The following IKZF1 variants were observed in gnomAD, a reference collection of about 807,000 sequenced individuals.
The protein encoded by IKZF1 is DNA-binding protein Ikaros.
IKZF1 carries 10 observed loss-of-function variants against 51.7 expected under a neutral mutation model. The observed-to-expected ratio is 0.19, with a 90% CI of 0.12 to 0.33. IKZF1 has a LOEUF of 0.33. IKZF1 is among the 10% of genes least tolerant of loss of function. The pLI, the probability that IKZF1 is intolerant of heterozygous loss-of-function variation, is 1.00. For missense variants in IKZF1, 484 were observed against 707.5 expected, an observed-to-expected ratio of 0.68 and a Z score of 3.58; for synonymous variants, 280 against 282.3, an observed-to-expected ratio of 0.99 and a Z score of 0.08.
chr7:50,377,876 T>C (rs911868334), intron 4 of IKZF1, among the ~76,000 whole-genome samples: 1 of 152,118 alleles, frequency 6.6e-6, no homozygotes, highest in South Asian at 2.1e-4. Flanking sequence ...GAGCTGGCAT[T>C]GTTAGGTCAT....
intron 7 of IKZF1, among the ~76,000 whole-genome samples, chr7:50,395,815 G>C (rs950563619): frequency 1.3e-5 from 2 of 152,276 alleles, no homozygotes; most frequent in Non-Finnish European, 2.9e-5. Context: ...TTGGCCTGTT[G>C]CCTTTGTATT....
intron 1 of IKZF1, among the ~76,000 whole-genome samples, chr7:50,313,565 G>A (rs969107650): frequency 6.6e-6 from 1 of 152,202 alleles, no homozygotes; most frequent in Admixed American, 6.5e-5. Flanking sequence ...CCTGCACTGG[G>A]CTGCAACATT....
At chr7:50,353,613 T>G (rs1225600141) in intron 3 of IKZF1, among the ~76,000 whole-genome samples, 1 of 152,122 alleles carries the variant, frequency 6.6e-6, no homozygotes, top group Non-Finnish European at 1.5e-5. Flanking sequence ...CCAGGTGAGC[T>G]CAGGTGGGTC....
At chr7:50,385,540 C>T (rs1175838685) in intron 5 of IKZF1, among the ~76,000 whole-genome samples, 1 of 152,164 alleles carries the variant, frequency 6.6e-6, no homozygotes, top group East Asian at 1.9e-4. Flanking sequence ...TTGGAAGTTG[C>T]AAGCTTAGAA....
chr7:50,369,028 A>G, intron 3 of IKZF1: 1 of 225,000 alleles, frequency 4.4e-6, no homozygotes, highest in Non-Finnish European at 8.9e-6. Flanking sequence ...CTACTTTTCC[A>G]GCCTATAGAA....
chr7:50,326,699 A>G lies in IKZF1; in HGVS notation c.41-939A>G, dbSNP rs145406085. 7.7e-3 allele frequency among the ~76,000 whole-genome samples: 1,168 copies of G among 152,358 alleles called. 11 individuals carry two copies. The highest frequency in any genetic ancestry group is 0.017 in the South Asian group (82 of 4,834). On this transcript the variant is annotated intron_variant, in intron 2 of 7. Transcript: ENST00000331340. ...TTTTGTAAATCCTACTTTGTATAGT[A>G]TAAGCAATTTTTGTATTTGTGTGGA...
chr7:50,404,021 A>G lies in IKZF1; in HGVS notation c.*3394A>G, dbSNP rs570199207. 4.6e-6 allele frequency: 1 copy of G among 216,092 alleles called. No homozygotes were observed. The highest frequency in any genetic ancestry group is 2.2e-5 in the African/African-American group (1 of 44,502). The allele number at this position is 216,092 out of a possible 1,614,324, so 13.4% of individuals were successfully genotyped here. ...CATTTCAATGTATTTTTACTTTAAG[A>G]TGAACCAAAATTATTAGACTTATTT... On this transcript the variant is annotated 3_prime_UTR_variant, in exon 8 of 8. Coordinates refer to ENST00000331340, the MANE Select transcript of IKZF1 (RefSeq NM_006060.6).
chr7:50,317,339 A>G (rs1423769348), intron 1 of IKZF1, among the ~76,000 whole-genome samples: 1 of 152,224 alleles, frequency 6.6e-6, no homozygotes, highest in African/African-American at 2.4e-5. Context: ...AACTTCCTAT[A>G]TTAGTGTGGC....
At chr7:50,307,402 G>C (rs533071987) in intron 1 of IKZF1, among the ~76,000 whole-genome samples, 7 of 152,208 alleles carry the variant, frequency 4.6e-5, no homozygotes, top group African/African-American at 1.7e-4. Context: ...ACCTTTTTGC[G>C]TTCTCTGAAA....
chr7:50,362,892 G>A (rs1444886963), intron 3 of IKZF1, among the ~76,000 whole-genome samples: 7 of 152,152 alleles, frequency 4.6e-5, no homozygotes, highest in African/African-American at 1.4e-4. Flanking sequence ...CATGCCAGAC[G>A]GTGGACAGGA....
chr7:50,394,045 A>G (rs983266752), intron 7 of IKZF1: 5 of 232,038 alleles, frequency 2.2e-5, no homozygotes, highest in African/African-American at 1.1e-4. Flanking sequence ...TGAGACCACA[A>G]TGTGGGCGTT....
chr7:50,324,603 A>C (rs1429896124), intron 2 of IKZF1, among the ~76,000 whole-genome samples: 1 of 152,154 alleles, frequency 6.6e-6, no homozygotes, highest in East Asian at 1.9e-4. Flanking sequence ...AAAAAAATAA[A>C]TGTCCTGAGA....
At chr7:50,377,802 C>A (rs189391444) in intron 4 of IKZF1, among the ~76,000 whole-genome samples, 1 of 152,314 alleles carries the variant, frequency 6.6e-6, no homozygotes, top group African/African-American at 2.4e-5. Context: ...ATAGATCCAC[C>A]ACCTCTAGCA....
In IKZF1 at chr7:50,400,565, C is replaced by G; in HGVS notation, c.1498C>G (p.Gln500Glu). 6.2e-7 allele frequency: 1 copy of G among 1,613,920 alleles called. No homozygotes were observed. The highest frequency in any genetic ancestry group is 8.5e-7 in the Non-Finnish European group (1 of 1,179,944). The change falls in exon 8 of 8, where the codon CAG becomes GAG. Residue 500 changes from glutamine to glutamate, a missense_variant. Transcript: ENST00000331340. The surrounding 1 kb of genome is among the most constrained non-coding windows in gnomAD (Gnocchi z 5.4). ...GTGCAACATGTGCGGCTACCACAGCCAGGACCGGTACGAGTTCTCGTCGCA... is the reference window on the plus strand; with the variant it reads ...GTGCAACATGTGCGGCTACCACAGCGAGGACCGGTACGAGTTCTCGTCGCA... ...FECNMCGYHS[Q>E]DRYEFSSHIT...
chr7:50,393,275 T>A (rs1223807983), intron 7 of IKZF1, among the ~76,000 whole-genome samples: 1 of 152,112 alleles, frequency 6.6e-6, no homozygotes, highest in African/African-American at 2.4e-5. Flanking sequence ...CACCAGGTTC[T>A]AGGAAAAGAT....
intron 3 of IKZF1, among the ~76,000 whole-genome samples, chr7:50,358,857 T>TC (rs1383086164): frequency 8.9e-5 from 1 of 11,204 alleles, no homozygotes; most frequent in African/African-American, 2.6e-3. Flanking sequence ...GTCCTTGGAG[T>TC]TTTTTTTCCC....
At chr7:50,377,594 C>A (rs946265319) in intron 4 of IKZF1, among the ~76,000 whole-genome samples, 1 of 152,226 alleles carries the variant, frequency 6.6e-6, no homozygotes, top group Non-Finnish European at 1.5e-5. Context: ...TTCTAATAGC[C>A]GGTCACGTTG....
chr7:50,389,447 G>A (rs1035204434), intron 6 of IKZF1, among the ~76,000 whole-genome samples: 1 of 152,174 alleles, frequency 6.6e-6, no homozygotes, highest in African/African-American at 2.4e-5. Flanking sequence ...CCCTTTGGTG[G>A]TTAAGTTACT....
chr7:50,344,462 A>T (rs1487939614), intron 3 of IKZF1, among the ~76,000 whole-genome samples: 1 of 152,224 alleles, frequency 6.6e-6, no homozygotes, highest in Non-Finnish European at 1.5e-5. Context: ...CAAGTCATCC[A>T]CATTTTGCCT....
Sources: gnomAD v4.1 joint callset for allele counts (sites outside exome capture counted in the v4.1 genomes callset) on GRCh38, gnomAD v4.1.1 for gene constraint, Gnocchi (gnomAD v3.1) non-coding constraint, MANE v1.5 for transcripts, NCBI Gene and HGNC (gene_info 2026-07-23, HGNC 2026-07-21) for gene names.